The following C16orf96 variants were observed in gnomAD, a reference collection of about 807,000 sequenced individuals.
C16orf96 encodes chromosome 16 open reading frame 96.
In C16orf96, 108 loss-of-function variants were observed where a neutral mutation model predicts 103.6. That is an observed-to-expected ratio of 1.04 (90% confidence interval 0.89 to 1.22). The LOEUF is 1.22. Among genes scored for constraint, C16orf96 ranks in the 50% most tolerant of loss-of-function variants. C16orf96 has a pLI of 0.00. For missense variants in C16orf96, 1,586 were observed against 1,464.2 expected, an observed-to-expected ratio of 1.08 and a Z score of -1.36; for synonymous variants, 566 against 593.5, an observed-to-expected ratio of 0.95 and a Z score of 0.67.
intron 6 of C16orf96, 53 bp from the exon 7 acceptor site, chr16:4,579,962 C>A (rs1485337346): frequency 1.4e-6 from 2 of 1,460,816 alleles, no homozygotes; most frequent in Admixed American, 4.0e-5. Flanking sequence ...CCCTTCCCGG[C>A]CATGGTAACT....
At chr16:4,563,342 C>T (rs2059352651) in intron 1 of C16orf96, among the ~76,000 whole-genome samples, 1 of 151,772 alleles carries the variant, frequency 6.6e-6, no homozygotes, top group Non-Finnish European at 1.5e-5. Context: ...CTCAACCTCC[C>T]GGGCTCAACC....
rs938313539 is a variant in C16orf96 at position 4,593,335 on chromosome 16, C to G, written c.2867+19C>G. The G allele has an allele frequency of 4.0e-5, 62 of 1,548,142 alleles. No homozygotes were observed. In the East Asian group the frequency reaches 1.3e-3, roughly 32 times the overall value. ...AGATGAGGTGAGCAGGATGGGCGCC[C>G]CGCAGGGAGGCCGCCCCGCATGGAG... On this transcript the variant is annotated intron_variant, in intron 12 of 15. Coordinates refer to ENST00000444310, the MANE Select transcript of C16orf96 (RefSeq NM_001145011.2). The surrounding 1 kb of genome is among the most constrained non-coding windows in gnomAD (Gnocchi z 4.2).
chr16:4,567,280 C>CT (rs71139642), intron 1 of C16orf96, among the ~76,000 whole-genome samples: 37 of 62,586 alleles, frequency 5.9e-4, no homozygotes, highest in African/African-American at 1.7e-3. Flanking sequence ...TATTTCTTTT[C>CT]TTTTTTTTTT....
Position 4,585,312 on chromosome 16 carries a change from A to AAAAAAG in C16orf96, c.2353-1727_2353-1726insAAAAAG, listed in dbSNP as rs60726283. ...TCTACAAAAAAAAAAAAAAAAAAAA[A>AAAAAAG]TCCAGGTAGGTGGTGTCACCTGCAG... On this transcript the variant is annotated intron_variant, in intron 7 of 15. Coordinates refer to ENST00000444310, the MANE Select transcript of C16orf96 (RefSeq NM_001145011.2). Among the ~76,000 whole-genome samples the AAAAAAG allele has an allele frequency of 2.8e-3, 308 of 109,932 alleles. 29 individuals are homozygous for AAAAAAG. The highest frequency in any genetic ancestry group is 3.2e-3 in the Non-Finnish European group (179 of 55,890). 72.1% of individuals were successfully genotyped at this position (109,932 alleles called of 152,430 possible).
chr16:4,561,651 G>A (rs1300208508), intron 1 of C16orf96: 2 of 152,228 alleles, frequency 1.3e-5, no homozygotes, highest in Non-Finnish European at 2.9e-5. Flanking sequence ...GCTAAGGAAT[G>A]TCCCCATCAT....
At chr16:4,553,477 A>G (rs1256612114), upstream of C16orf96, among the ~76,000 whole-genome samples, 5 of 152,118 alleles carry the variant, frequency 3.3e-5, no homozygotes. Flanking sequence ...AGCTGGGATT[A>G]CAGGCACACA....
chr16:4,574,356 G>T (rs2059475312), intron 2 of C16orf96, among the ~76,000 whole-genome samples: 1 of 152,148 alleles, frequency 6.6e-6, no homozygotes, highest in South Asian at 2.1e-4. Flanking sequence ...CTGATAGCTG[G>T]GATTACAGGC....
intron 9 of C16orf96, among the ~76,000 whole-genome samples, chr16:4,590,251 C>A (rs1049544679): frequency 6.6e-6 from 1 of 151,914 alleles, no homozygotes; most frequent in Non-Finnish European, 1.5e-5. Flanking sequence ...AGAGAGACTC[C>A]ATCTCTACTT....
chr16:4,572,218 G>C (rs1305665189), intron 2 of C16orf96, among the ~76,000 whole-genome samples: 2 of 151,974 alleles, frequency 1.3e-5, no homozygotes, highest in African/African-American at 4.8e-5. Context: ...CGTTCATCCT[G>C]GATTAGGCAA....
chr16:4,574,964 C>A lies in C16orf96; in HGVS notation c.607-8C>A. On this transcript the variant is annotated splice_polypyrimidine_tract_variant and splice_region_variant and intron_variant, in intron 3 of 15. Coordinates refer to ENST00000444310, the MANE Select transcript of C16orf96 (RefSeq NM_001145011.2). ...TCACAGCCCTCATTTTCTACCCCCA[C>A]CTTGCAGGCTTCTCTCCAGAATAAG... is the stretch of plus-strand genomic sequence containing the variant. 2 of 1,551,210 alleles carry A rather than the reference C, an allele frequency of 1.3e-6. No individual in the cohort carries two copies. The highest frequency in any genetic ancestry group is 1.7e-6 in the Non-Finnish European group (2 of 1,146,818).
chr16:4,552,318 C>T (rs2059233119), upstream of C16orf96, among the ~76,000 whole-genome samples: 1 of 151,800 alleles, frequency 6.6e-6, no homozygotes, highest in East Asian at 1.9e-4. Context: ...CCCATCTCTA[C>T]TAAAAATACA....
At chr16:4,547,805 T>C in the C16orf96 span, among the ~76,000 whole-genome samples, 8 of 139,468 alleles carry the variant, frequency 5.7e-5, no homozygotes, top group African/African-American at 1.0e-4. Flanking sequence ...CTCCCTCCCT[T>C]CCTTCCTTCC....
chr16:4,582,482 G>A (rs923630083), intron 7 of C16orf96, among the ~76,000 whole-genome samples: 3 of 152,074 alleles, frequency 2.0e-5, no homozygotes, highest in Non-Finnish European at 2.9e-5. Context: ...ACCCATTTGA[G>A]GCAACTTTGA....
At chr16:4,599,151 T>C in intron 14 of C16orf96, 133 bp from the exon 15 acceptor site, 1 of 683,076 alleles carries the variant, frequency 1.5e-6, no homozygotes, top group Non-Finnish European at 2.5e-6. Context: ...GATTATCCCA[T>C]AAAGGAATGG....
At chr16:4,584,168 C>T (rs1030853233) in intron 7 of C16orf96, among the ~76,000 whole-genome samples, 1 of 151,998 alleles carries the variant, frequency 6.6e-6, no homozygotes, top group African/African-American at 2.4e-5. Context: ...TTGCTCTCCA[C>T]CATGTGACTT....
In C16orf96 at chr16:4,591,676, G is replaced by A; in HGVS notation, c.2603G>A (p.Ser868Asn). 2.6e-6 allele frequency: 4 copies of A among 1,551,454 alleles called. No homozygotes were observed. In the South Asian group the frequency reaches 4.8e-5, roughly 18 times the overall value. ...CTTGGCTGTTGGCAGTTAGTCCACA[G>A]TGATCTGGATCCCTTGAAGAAAGAA... ...SKDVNTKLVHSDLDPLKKEME... is the reference protein window; with the variant it reads ...SKDVNTKLVHNDLDPLKKEME... Residue 868 changes from serine (S) to asparagine (N), a missense_variant, in exon 10 of 16, where the codon AGT becomes AAT. Ser to Asn is a conservative substitution (Grantham distance 46, BLOSUM62 1). Transcript: ENST00000444310.
intron 1 of C16orf96, among the ~76,000 whole-genome samples, chr16:4,570,880 G>A (rs779524435): frequency 3.3e-5 from 5 of 152,162 alleles, no homozygotes; most frequent in East Asian, 3.8e-4. Context: ...ACAGGAGCCC[G>A]AGAGATCCTT....
chr16:4,579,638 A>G (rs1596528751), intron 6 of C16orf96, among the ~76,000 whole-genome samples: 2 of 140,492 alleles, frequency 1.4e-5, no homozygotes, highest in South Asian at 4.6e-4. Flanking sequence ...TTGAGACGGA[A>G]TCTTGCTCTG....
In C16orf96 at chr16:4,581,141, CATATATATATATATATATAT is replaced by C. The variant is rs58065868; in HGVS notation, c.2352+1040_2352+1059del. 3.0e-3 allele frequency among the ~76,000 whole-genome samples: 141 copies of C among 46,754 alleles called. 6 individuals carry two copies. The Middle Eastern group carries it at 0.19, about 64-fold the overall frequency. 30.7% of individuals were successfully genotyped at this position (46,754 alleles called of 152,430 possible). On this transcript the variant is annotated intron_variant, in intron 7 of 15. Transcript: ENST00000444310. ...CTCTGTCTAAAAATATATATGTATACATATATATATATATATATATATATATATATATATATATATATAAT... is the reference window on the plus strand; with the variant it reads ...CTCTGTCTAAAAATATATATGTATACATATATATATATATATATATATAAT...
Sources: gnomAD v4.1 joint callset for allele counts (sites outside exome capture counted in the v4.1 genomes callset) on GRCh38, gnomAD v4.1.1 for gene constraint, Gnocchi (gnomAD v3.1) non-coding constraint, MANE v1.5 for transcripts, NCBI Gene and HGNC (gene_info 2026-07-23, HGNC 2026-07-21) for gene names.